The following MYH11 variants were observed in gnomAD, a reference collection of about 807,000 sequenced individuals.
MYH11 encodes the protein myosin-11.
MYH11 carries 80 observed loss-of-function variants against 246.6 expected under a neutral mutation model. The ratio of observed to expected loss-of-function variants is 0.32; its 90% CI spans 0.27 to 0.39. The LOEUF (loss-of-function observed/expected upper bound fraction) is 0.39, where lower values mean the gene tolerates loss of function less well. Among genes scored for constraint, MYH11 ranks in the 10% least tolerant of loss-of-function variants. The probability of loss-of-function intolerance (pLI) is 1.00; values close to 1 mark genes in which losing one functional copy is unlikely to be tolerated. For synonymous variants in MYH11, 1,071 were observed against 1,015.5 expected, an observed-to-expected ratio of 1.05 and a Z score of -1.04; for missense variants, 2,158 against 2,546.8, an observed-to-expected ratio of 0.85 and a Z score of 3.29.
chr16:15,855,420 G>C (rs1335002636), intron 1 of MYH11, among the ~76,000 whole-genome samples: 7 of 152,320 alleles, frequency 4.6e-5, no homozygotes, highest in Admixed American at 4.6e-4. Context: ...CAACAAGTTT[G>C]TGTCCATGGT....
intron 2 of MYH11, 132 bp from the exon 3 acceptor site, chr16:15,823,543 C>T: frequency 8.8e-7 from 1 of 1,142,050 alleles, no homozygotes; most frequent in Non-Finnish European, 1.3e-6. Context: ...CTGGGCCTCA[C>T]TGATATTCCA....
At chr16:15,810,447 G>C (rs533875634) in intron 3 of MYH11, among the ~76,000 whole-genome samples, 2 of 152,258 alleles carry the variant, frequency 1.3e-5, no homozygotes, top group Admixed American at 6.5e-5. Context: ...AACTTTTCAT[G>C]ATTAGTCAGA....
chr16:15,842,471 A>G (rs2044078017), intron 1 of MYH11, among the ~76,000 whole-genome samples: 1 of 152,010 alleles, frequency 6.6e-6, no homozygotes, highest in Admixed American at 6.6e-5. Context: ...CTGATGAAAA[A>G]AAAGTGGCGG....
At position 15,703,554 on chromosome 16, in the gene MYH11, AC is replaced by A. The variant is rs1466194214; in HGVS notation, c.*436del. 3.0e-6 allele frequency: 1 copy of A among 334,372 alleles called. No individual in the cohort carries two copies. The highest frequency in any genetic ancestry group is 2.1e-5 in the African/African-American group (1 of 48,572). 20.7% of individuals were successfully genotyped at this position (334,372 alleles called of 1,614,324 possible). On this transcript the variant is annotated 3_prime_UTR_variant, in exon 41 of 41. Transcript: ENST00000300036. Reference sequence around the variant, plus strand: ...TTTTCTCATCTCTTACATCATACAAACTTCAATTTTTACCTTGAATACAGGG... The same window carrying A: ...TTTTCTCATCTCTTACATCATACAAATTCAATTTTTACCTTGAATACAGGG...
intron 4 of MYH11, among the ~76,000 whole-genome samples, chr16:15,796,896 A>G (rs1329005852): frequency 6.6e-6 from 1 of 152,214 alleles, no homozygotes; most frequent in Non-Finnish European, 1.5e-5. Context: ...ATATCCTCAT[A>G]GCTAGGTAGC....
chr16:15,719,171 TCCC>T, intron 36 of MYH11, 46 bp downstream of exon 36: 3 of 1,530,774 alleles, frequency 2.0e-6, no homozygotes, highest in Non-Finnish European at 2.7e-6. Context: ...ATGCTGCCTG[TCCC>T]CCCATCCTCT....
At position 15,720,274 on chromosome 16, in the gene MYH11, C is replaced by T; in HGVS notation, c.4830G>A (p.Lys1610=). Residue 1610 remains lysine, a synonymous_variant, in exon 34 of 41, where the codon AAG becomes AAA. Transcript: ENST00000300036. ...EYETELEDER[K]QRALAAAAKK... is the part of the protein sequence containing the mutation. The stretch of plus-strand genomic sequence containing the variant: ...TTGCTGCAGCTGCCAGGGCACGTTG[C>T]TTTCGCTCGTCTTCCAGTTCCGTCT... 2 of 1,614,150 alleles carry T rather than the reference C, an allele frequency of 1.2e-6. No homozygotes were observed. The highest frequency in any genetic ancestry group is 1.7e-6 in the Non-Finnish European group (2 of 1,180,016).
chr16:15,739,808 C>A (rs1055353849), intron 23 of MYH11, among the ~76,000 whole-genome samples: 2 of 151,864 alleles, frequency 1.3e-5, no homozygotes, highest in Middle Eastern at 3.4e-3. Context: ...GTGGCACGAT[C>A]TCAGCTCACT....
intron 4 of MYH11, among the ~76,000 whole-genome samples, chr16:15,787,268 C>T (rs1440518052): frequency 6.7e-6 from 1 of 149,236 alleles, no homozygotes; most frequent in African/African-American, 2.5e-5. Flanking sequence ...ATTAACCAGG[C>T]TTGGTGGTGC....
In MYH11 at chr16:15,800,385, C is replaced by T. The variant is rs115222524; in HGVS notation, c.503-1698G>A. Among the ~76,000 whole-genome samples the T allele has an allele frequency of 8.6e-3, 1,249 of 145,504 alleles. 21 individuals are homozygous for T. Among genetic ancestry groups the T allele is most frequent in the African/African-American group, 0.031 (1,193 of 39,102 alleles). ...ATGAGTGGGTGGGTGGGTAGGTGGA[C>T]GAATAGATGGATGGAAAGAAGGAAG... On this transcript the variant is annotated intron_variant, in intron 3 of 40. Transcript: ENST00000300036.
intron 6 of MYH11, among the ~76,000 whole-genome samples, chr16:15,781,784 A>T (rs1446763441): frequency 1.3e-5 from 2 of 152,210 alleles, no homozygotes; most frequent in East Asian, 3.9e-4. Context: ...TGAACTATTC[A>T]TCGCAATCCT....
At chr16:15,758,099 C>G in intron 12 of MYH11, 99 bp from the exon 13 acceptor site, 1 of 1,548,030 alleles carries the variant, frequency 6.5e-7, no homozygotes, top group Middle Eastern at 2.3e-4. Context: ...CCCCATGGCC[C>G]GCCCACATCC....
intron 9 of MYH11, among the ~76,000 whole-genome samples, chr16:15,767,455 G>A (rs938196438): frequency 7.9e-5 from 12 of 152,146 alleles, no homozygotes; most frequent in African/African-American, 2.7e-4. Context: ...TGGAACCTGT[G>A]AATGTGGCCT....
chr16:15,741,835 A>G lies in MYH11; in HGVS notation c.2577T>C (p.Asp859=). The change falls in exon 21 of 41, where the codon GAT becomes GAC. Residue 859 remains aspartate, a synonymous_variant. Coordinates refer to ENST00000300036, the MANE Select transcript of MYH11 (RefSeq NM_002474.3). ...GCCGCTCCTTGGTCTTCTGCAGTTC[A>G]TCCTCCTTGGCCTGCATCTCCTCCT... ...RQEEEMQAKE[D]ELQKTKERQQ... 1 of 1,613,996 alleles carries G rather than the reference A, an allele frequency of 6.2e-7. No individual in the cohort carries two copies. Among genetic ancestry groups the G allele is most frequent in the South Asian group, 1.1e-5 (1 of 91,068 alleles).
chr16:15,839,405 A>T (rs191355812), intron 1 of MYH11, among the ~76,000 whole-genome samples: 1 of 152,174 alleles, frequency 6.6e-6, no homozygotes, highest in East Asian at 1.9e-4. Flanking sequence ...GATAGAAGGT[A>T]ATGGCGGCCG....
At chr16:15,753,373 C>G (rs1266770576) in intron 15 of MYH11, 21 bp downstream of exon 15, 1 of 1,602,568 alleles carries the variant, frequency 6.2e-7, no homozygotes, top group East Asian at 2.2e-5. Context: ...AGAACATGGA[C>G]CCGAGCAGAG....
chr16:15,761,482 T>C (rs1245512847), intron 10 of MYH11, among the ~76,000 whole-genome samples: 1 of 152,212 alleles, frequency 6.6e-6, no homozygotes, highest in African/African-American at 2.4e-5. Flanking sequence ...CAGTTACTGT[T>C]CAATAAATAT....
chr16:15,764,744 A>G (rs2041944505), intron 9 of MYH11, among the ~76,000 whole-genome samples: 1 of 152,212 alleles, frequency 6.6e-6, no homozygotes, highest in African/African-American at 2.4e-5. Context: ...TCAGTTTATA[A>G]TAATTCTTTG....
intron 5 of MYH11, chr16:15,785,008 A>ATTTTTGTTTT (rs2042436485): frequency 1.0e-5 from 1 of 96,518 alleles, no homozygotes; most frequent in Admixed American, 1.5e-4. Context: ...AATTCTCTTG[A>ATTTTTGTTTT]TTTTTTTTTT....
Sources: gnomAD v4.1 joint callset for allele counts (sites outside exome capture counted in the v4.1 genomes callset) on GRCh38, gnomAD v4.1.1 for gene constraint, MANE v1.5 for transcripts, NCBI Gene and HGNC (gene_info 2026-07-23, HGNC 2026-07-21) for gene names.